The following SAMD5 variants were observed in gnomAD, a reference collection of about 807,000 sequenced individuals.
The protein encoded by SAMD5 is sterile alpha motif domain-containing protein 5.
In SAMD5, 13 loss-of-function variants were observed where a neutral mutation model predicts 11.3. The observed-to-expected ratio is 1.15, with a 90% CI of 0.75 to 1.83. The LOEUF (loss-of-function observed/expected upper bound fraction) is 1.83, where lower values mean the gene tolerates loss of function less well. Among genes scored for constraint, SAMD5 ranks in the 40% most tolerant of loss-of-function variants. The probability of loss-of-function intolerance (pLI) is 0.00; values close to 1 mark genes in which losing one functional copy is unlikely to be tolerated. For missense variants in SAMD5, 255 were observed against 239.1 expected, an observed-to-expected ratio of 1.07 and a Z score of -0.44; for synonymous variants, 129 against 111.3, an observed-to-expected ratio of 1.16 and a Z score of -1.00.
chr6:147,901,789 A>G, the SAMD5 span, among the ~76,000 whole-genome samples: 1 of 152,188 alleles, frequency 6.6e-6, no homozygotes, highest in Non-Finnish European at 1.5e-5. Context: ...TTTTATAGGT[A>G]GAATATTATT....
In SAMD5 at chr6:147,621,797, C is replaced by T. The variant is rs1017639527; in HGVS notation, c.162+112410C>T. On this transcript the variant is annotated intron_variant, in intron 1 of 1. Transcript: ENST00000566741. ...GCATTTTTGGACCGTGAAGGGGAGG[C>T]CAAGAGAATCATGGACAAACCAGCT... Among the ~76,000 whole-genome samples, 3 of 152,036 alleles carry T rather than the reference C, an allele frequency of 2.0e-5. No individual in the cohort carries two copies. In the East Asian group the frequency reaches 5.8e-4, roughly 29 times the overall value.
the SAMD5 span, among the ~76,000 whole-genome samples, chr6:147,924,490 T>A: frequency 1.3e-5 from 2 of 152,148 alleles, no homozygotes; most frequent in East Asian, 3.8e-4. Flanking sequence ...TTTCAGAACA[T>A]AAGCCTGATC....
chr6:147,734,376 T>C (rs1362557396), intron 1 of SAMD5, among the ~76,000 whole-genome samples: 1 of 152,170 alleles, frequency 6.6e-6, no homozygotes, highest in Non-Finnish European at 1.5e-5. Flanking sequence ...TTTTGCCTCT[T>C]TCTGTGAAGA....
intron 1 of SAMD5, among the ~76,000 whole-genome samples, chr6:147,663,399 T>C (rs924903239): frequency 6.6e-6 from 1 of 152,106 alleles, no homozygotes; most frequent in Non-Finnish European, 1.5e-5. Context: ...GATGAAATAA[T>C]CTGTACAACA....
downstream of SAMD5, among the ~76,000 whole-genome samples, chr6:147,574,968 G>A (rs1789197178): frequency 6.6e-6 from 1 of 152,210 alleles, no homozygotes; most frequent in African/African-American, 2.4e-5. Context: ...GTACCATTAA[G>A]AAAGGAGAAT....
At position 147,508,927 on chromosome 6, in the gene SAMD5, C is replaced by G; in HGVS notation, c.-2C>G. ...CTCGGCGGCGGGGTTCCCGGTCCCA[C>G]CATGTGCACCAACATAGTTTACGAG... On this transcript the variant is annotated 5_prime_UTR_variant, in exon 1 of 2. Coordinates refer to ENST00000367474, the MANE Select transcript of SAMD5 (RefSeq NM_001030060.3). 1 of 1,590,136 alleles carries G rather than the reference C, an allele frequency of 6.3e-7. No individual in the cohort carries two copies. Among genetic ancestry groups the G allele is most frequent in the Non-Finnish European group, 8.6e-7 (1 of 1,169,188 alleles).
intron 1 of SAMD5, among the ~76,000 whole-genome samples, chr6:147,516,083 C>T (rs554706775): frequency 2.0e-5 from 3 of 152,198 alleles, no homozygotes; most frequent in Admixed American, 6.5e-5. Context: ...CCAGGCTGGG[C>T]TAGATGGCTG....
the SAMD5 span, among the ~76,000 whole-genome samples, chr6:147,914,749 T>C: frequency 6.6e-6 from 1 of 152,194 alleles, no homozygotes; most frequent in Non-Finnish European, 1.5e-5. Context: ...GTAATCAGTT[T>C]CACACCTTGA....
chr6:147,945,201 C>T, the SAMD5 span, among the ~76,000 whole-genome samples: 2 of 152,162 alleles, frequency 1.3e-5, no homozygotes, highest in Non-Finnish European at 2.9e-5. Flanking sequence ...TCCTCGTGAT[C>T]CCTCTCCTCT....
intron 1 of SAMD5, among the ~76,000 whole-genome samples, chr6:147,534,143 G>A (rs144581945): frequency 6.6e-6 from 1 of 152,214 alleles, no homozygotes; most frequent in Non-Finnish European, 1.5e-5. Flanking sequence ...AGAGGAATGT[G>A]GAGTTCAGAA....
chr6:147,923,673 G>A, the SAMD5 span, among the ~76,000 whole-genome samples: 1 of 152,200 alleles, frequency 6.6e-6, no homozygotes, highest in Non-Finnish European at 1.5e-5. Context: ...TGCTTTCACA[G>A]AACCAGTTAT....
intron 1 of SAMD5, among the ~76,000 whole-genome samples, chr6:147,629,776 C>T (rs2128451192): frequency 6.6e-6 from 1 of 152,198 alleles, no homozygotes; most frequent in African/African-American, 2.4e-5. Context: ...TCTTGTGGGG[C>T]TGTGTCAAGA....
the SAMD5 span, among the ~76,000 whole-genome samples, chr6:147,905,395 G>T: frequency 0.036 from 5,535 of 152,128 alleles, 346 homozygotes; most frequent in African/African-American, 0.13. Context: ...TGGTCAGGCT[G>T]GGCTCGAGCT....
the SAMD5 span, among the ~76,000 whole-genome samples, chr6:147,917,849 T>C: frequency 3.3e-5 from 5 of 152,228 alleles, no homozygotes; most frequent in African/African-American, 1.2e-4. Flanking sequence ...GTCGGGTTTG[T>C]CAAAGATCAG....
At chr6:147,855,896 C>A in the SAMD5 span, among the ~76,000 whole-genome samples, 1 of 152,172 alleles carries the variant, frequency 6.6e-6, no homozygotes. Context: ...AATACACCTA[C>A]CATATGATCC....
At chr6:147,557,074 T>C (rs560788117) in intron 1 of SAMD5, among the ~76,000 whole-genome samples, 1 of 152,332 alleles carries the variant, frequency 6.6e-6, no homozygotes, top group African/African-American at 2.4e-5. Flanking sequence ...TATAAACATA[T>C]AGTTTTTAAT....
At chr6:147,724,614 G>T (rs1791599963) in intron 1 of SAMD5, among the ~76,000 whole-genome samples, 1 of 151,992 alleles carries the variant, frequency 6.6e-6, no homozygotes, top group Non-Finnish European at 1.5e-5. Flanking sequence ...CCTTATCCTG[G>T]CCCCCTGTGG....
chr6:147,724,221 C>T (rs12204781), intron 1 of SAMD5, among the ~76,000 whole-genome samples: 11,954 of 152,180 alleles, frequency 0.079, 537 homozygotes, highest in Middle Eastern at 0.1. Flanking sequence ...TCCTCCTCAA[C>T]GGTTCAAGCG....
Position 147,567,608 on chromosome 6 carries a change from G to C in SAMD5, c.*3152G>C. 2.1e-6 allele frequency: 2 copies of C among 967,446 alleles called. No homozygotes were observed. Among genetic ancestry groups the C allele is most frequent in the Non-Finnish European group, 2.5e-6 (2 of 813,768 alleles). The allele number at this position is 967,446 out of a possible 1,614,324, so 59.9% of individuals were successfully genotyped here. A position where few individuals can be genotyped will look rare whatever the true frequency, so the allele number is the denominator to read the frequency against. ...GGCTTACACCCACATACAGTCCTTG[G>C]CTCAGTGCTAGGCATGTAGCAGGTG... On this transcript the variant is annotated 3_prime_UTR_variant, in exon 2 of 2. Coordinates refer to ENST00000367474, the MANE Select transcript of SAMD5 (RefSeq NM_001030060.3).
Sources: gnomAD v4.1 joint callset for allele counts (sites outside exome capture counted in the v4.1 genomes callset) on GRCh38, gnomAD v4.1.1 for gene constraint, MANE v1.5 for transcripts, NCBI Gene and HGNC (gene_info 2026-07-23, HGNC 2026-07-21) for gene names.